Variants in PRSS3 observed in about 807,000 individuals in gnomAD.
The protein encoded by PRSS3 is trypsin-3.
A neutral mutation model predicts 20.8 loss-of-function variants in PRSS3; 14 were observed. The ratio of observed to expected loss-of-function variants is 0.67; its 90% CI spans 0.44 to 1.05. The LOEUF is 1.05. Ranked by LOEUF, PRSS3 falls within the 50% of genes least tolerant of loss-of-function variation. PRSS3 has a pLI of 0.00. For missense variants in PRSS3, 237 were observed against 306.4 expected (o/e 0.77, Z 1.69); for synonymous variants, 91 against 117.6 (o/e 0.77, Z 1.46).
chr9:33,763,556 G>A (rs539601446), intron 1 of PRSS3, among the ~76,000 whole-genome samples: 29 of 152,088 alleles, frequency 1.9e-4, no homozygotes, highest in Admixed American at 8.5e-4. Flanking sequence ...AAAATTAGCC[G>A]GGCGTGGTGG....
At chr9:33,760,997 G>A (rs1688191611) in intron 1 of PRSS3, among the ~76,000 whole-genome samples, 1 of 152,170 alleles carries the variant, frequency 6.6e-6, no homozygotes, top group Non-Finnish European at 1.5e-5. Context: ...CCCCCTCTGT[G>A]AGGCCTACCC....
chr9:33,764,600 A>G (rs565739090), intron 1 of PRSS3, among the ~76,000 whole-genome samples: 4 of 152,360 alleles, frequency 2.6e-5, no homozygotes, highest in Non-Finnish European at 4.4e-5. Context: ...AAGAAAACAT[A>G]GAAGTGGGTT....
upstream of PRSS3, among the ~76,000 whole-genome samples, chr9:33,792,157 G>T (rs767060487): frequency 6.6e-6 from 1 of 152,160 alleles, no homozygotes; most frequent in Non-Finnish European, 1.5e-5. Context: ...TGCCGTGGGG[G>T]AGATAAGAAG....
At chr9:33,779,651 G>A (rs71519292) in intron 1 of PRSS3, among the ~76,000 whole-genome samples, 8,270 of 152,064 alleles carry the variant, frequency 0.054, 329 homozygotes, top group Non-Finnish European at 0.082. Flanking sequence ...GGCAGATCAC[G>A]AGTTCAGGAG....
intron 1 of PRSS3, chr9:33,786,754 C>G: frequency 1.3e-6 from 1 of 766,076 alleles, no homozygotes; most frequent in South Asian, 1.3e-5. Flanking sequence ...GCCGCCCAAA[C>G]CTAACATTCT....
intron 1 of PRSS3, among the ~76,000 whole-genome samples, chr9:33,788,632 C>T (rs748416829): frequency 1.3e-5 from 2 of 152,110 alleles, no homozygotes; most frequent in Non-Finnish European, 2.9e-5. Context: ...TGGGTCTTCA[C>T]GTTATTCTGG....
intron 1 of PRSS3, among the ~76,000 whole-genome samples, chr9:33,771,186 T>C (rs1024885072): frequency 1.3e-5 from 2 of 152,176 alleles, no homozygotes; most frequent in African/African-American, 4.8e-5. Flanking sequence ...CTTTCTTTGT[T>C]ATTGAAATCC....
intron 1 of PRSS3, among the ~76,000 whole-genome samples, chr9:33,783,276 A>G (rs536570615): frequency 1.3e-5 from 2 of 152,354 alleles, no homozygotes; most frequent in Admixed American, 6.5e-5. Context: ...TTAGTAGGTT[A>G]CACAGTGTAT....
At chr9:33,775,293 G>A (rs1823873319) in intron 1 of PRSS3, among the ~76,000 whole-genome samples, 1 of 152,108 alleles carries the variant, frequency 6.6e-6, no homozygotes, top group African/African-American at 2.4e-5. Flanking sequence ...AGTAAGATGG[G>A]GCTGACCATG....
chr9:33,779,995 T>C (rs945170111), intron 1 of PRSS3, among the ~76,000 whole-genome samples: 2 of 151,870 alleles, frequency 1.3e-5, no homozygotes, highest in African/African-American at 2.4e-5. Flanking sequence ...AAAAATGTAT[T>C]TGAAAAACAC....
At chr9:33,753,256 C>A (rs1392401504) in intron 1 of PRSS3, among the ~76,000 whole-genome samples, 1 of 152,172 alleles carries the variant, frequency 6.6e-6, no homozygotes, top group African/African-American at 2.4e-5. Flanking sequence ...TGGTATATTT[C>A]ATGTCCATCT....
At chr9:33,755,470 T>TG (rs1488478683) in intron 1 of PRSS3, among the ~76,000 whole-genome samples, 1 of 152,168 alleles carries the variant, frequency 6.6e-6, no homozygotes, top group East Asian at 1.9e-4. Context: ...GGGTAACATC[T>TG]ATTGACATCC....
At chr9:33,755,306 A>G (rs1196643930) in intron 1 of PRSS3, among the ~76,000 whole-genome samples, 1 of 152,182 alleles carries the variant, frequency 6.6e-6, no homozygotes, top group Non-Finnish European at 1.5e-5. Flanking sequence ...TAGCCTTAGA[A>G]GTCGTTCATT....
Position 33,795,590 on chromosome 9 carries a change from T to C in PRSS3, c.17T>C (p.Ile6Thr), listed in dbSNP as rs374417986. 6 of 1,614,124 alleles carry C rather than the reference T, an allele frequency of 3.7e-6. No individual in the cohort carries two copies. The highest frequency in any genetic ancestry group is 1.3e-5 in the African/African-American group (1 of 74,946). Residue 6 changes from isoleucine to threonine, a missense_variant, in exon 1 of 5, where the codon ATC (isoleucine) becomes ACC (threonine). Physicochemically the swap from Ile to Thr is moderately conservative, Grantham distance 89. Coordinates refer to ENST00000379405, the MANE Select transcript of PRSS3 (RefSeq NM_002771.4). MNPFL[I>T]LAFVGAAVAV... ...TCTACCACCATGAATCCATTCCTGATCCTTGCCTTTGTGGGAGCTGCTGGC... is the reference window on the plus strand; with the variant it reads ...TCTACCACCATGAATCCATTCCTGACCCTTGCCTTTGTGGGAGCTGCTGGC...
At chr9:33,769,593 C>T (rs1429907914) in intron 1 of PRSS3, among the ~76,000 whole-genome samples, 2 of 152,220 alleles carry the variant, frequency 1.3e-5, no homozygotes, top group African/African-American at 4.8e-5. Flanking sequence ...AGCGATATGG[C>T]TATGATCATG....
chr9:33,757,378 G>A (rs1822995535), intron 1 of PRSS3, among the ~76,000 whole-genome samples: 1 of 152,136 alleles, frequency 6.6e-6, no homozygotes, highest in Non-Finnish European at 1.5e-5. Flanking sequence ...TAGAATTTGG[G>A]ACAGAATTTC....
In PRSS3 at chr9:33,769,783, G is replaced by A. The variant is rs545844825; in HGVS notation, c.-53+19056G>A. Among the ~76,000 whole-genome samples the A allele has an allele frequency of 4.6e-5, 7 of 152,354 alleles. No individual in the cohort carries two copies. In the East Asian group the frequency reaches 1.2e-3, roughly 25 times the overall value. ...CCAAGGGGTGGGGCCACCATTTAGG[G>A]TAGAGGAATCAGGGTGATGGCCCTG... On this transcript the variant is annotated intron_variant, in intron 1 of 5. Transcript: ENST00000342836.
chr9:33,760,653 A>G (rs888044314), intron 1 of PRSS3, among the ~76,000 whole-genome samples: 1 of 151,152 alleles, frequency 6.6e-6, no homozygotes, highest in African/African-American at 2.4e-5. Flanking sequence ...GGCTGAGGCC[A>G]GAGAATGCCG....
chr9:33,772,874 A>C (rs1401760105), intron 1 of PRSS3, among the ~76,000 whole-genome samples: 3 of 152,188 alleles, frequency 2.0e-5, no homozygotes, highest in Admixed American at 6.5e-5. Flanking sequence ...CTGGTTGCCA[A>C]GCCTAGGCAC....
Sources: allele counts gnomAD v4.1 joint callset (sites outside exome capture counted in the v4.1 genomes callset), GRCh38; gene constraint gnomAD v4.1.1; transcripts MANE v1.5; gene names NCBI Gene and HGNC (gene_info 2026-07-23, HGNC 2026-07-21).